CDH8: variants seen among roughly 807,000 people sequenced by gnomAD.
CDH8 encodes cadherin-8.
Under a neutral mutation model 68.1 loss-of-function variants are expected in CDH8, and 17 were observed. The observed-to-expected ratio is 0.25, with a 90% CI of 0.17 to 0.37. The LOEUF (loss-of-function observed/expected upper bound fraction) is 0.37. Among genes scored for constraint, CDH8 ranks in the 10% least tolerant of loss-of-function variants. The pLI is 1.00. For missense variants in CDH8, 763 were observed against 999.3 expected, an observed-to-expected ratio of 0.76 and a Z score of 3.19; for synonymous variants, 372 against 365.1, an observed-to-expected ratio of 1.02 and a Z score of -0.21.
chr16:61,809,297 A>T (rs1423587438), intron 7 of CDH8, among the ~76,000 whole-genome samples: 1 of 152,134 alleles, frequency 6.6e-6, no homozygotes, highest in Non-Finnish European at 1.5e-5. Flanking sequence ...TACTAACGTC[A>T]TGGGGTTTTG....
At chr16:61,855,902 A>G (rs1170248814) in intron 4 of CDH8, among the ~76,000 whole-genome samples, 1 of 152,152 alleles carries the variant, frequency 6.6e-6, no homozygotes, top group Non-Finnish European at 1.5e-5. Flanking sequence ...GAAAAAGTTT[A>G]GAACAGACTT....
chr16:61,735,188 ATCT>A (rs1454293314), intron 8 of CDH8, among the ~76,000 whole-genome samples: 1 of 152,026 alleles, frequency 6.6e-6, no homozygotes, highest in Non-Finnish European at 1.5e-5. Context: ...ACTTAATTAC[ATCT>A]ACATAGACCG....
chr16:61,798,089 G>A (rs1197219944), intron 7 of CDH8, among the ~76,000 whole-genome samples: 1 of 152,124 alleles, frequency 6.6e-6, no homozygotes, highest in East Asian at 1.9e-4. Flanking sequence ...ATTCTTCAAT[G>A]TTTACATAAT....
At chr16:61,812,119 T>C in intron 7 of CDH8, among the ~76,000 whole-genome samples, 1 of 151,834 alleles carries the variant, frequency 6.6e-6, no homozygotes, top group East Asian at 1.9e-4. Context: ...AAATTGAGAG[T>C]TATTGCAAGA....
At chr16:61,858,012 A>T (rs1041743627) in intron 3 of CDH8, among the ~76,000 whole-genome samples, 4 of 152,062 alleles carry the variant, frequency 2.6e-5, no homozygotes, top group Admixed American at 6.6e-5. Context: ...GCCATTAAAA[A>T]AAATAACTTC....
At chr16:61,675,804 CTG>C (rs1963896101) in intron 10 of CDH8, among the ~76,000 whole-genome samples, 1 of 150,776 alleles carries the variant, frequency 6.6e-6, no homozygotes, top group Admixed American at 6.6e-5. Context: ...TATTACATTG[CTG>C]TGTGAAGTAG....
At chr16:61,889,016 T>C (rs1963727184) in intron 3 of CDH8, among the ~76,000 whole-genome samples, 1 of 152,164 alleles carries the variant, frequency 6.6e-6, no homozygotes, top group Non-Finnish European at 1.5e-5. Flanking sequence ...AGCACAAATA[T>C]GATTAGAATT....
At chr16:61,781,117 C>T (rs1273933352) in intron 8 of CDH8, among the ~76,000 whole-genome samples, 1 of 152,222 alleles carries the variant, frequency 6.6e-6, no homozygotes, top group Admixed American at 6.5e-5. Context: ...CTGCAGCTAA[C>T]AGCTCAATGC....
In CDH8 at chr16:61,800,070, G is replaced by A. The variant is rs140147483; in HGVS notation, c.1278-10588C>T. 2.8e-4 allele frequency among the ~76,000 whole-genome samples: 43 copies of A among 152,082 alleles called. 1 individual carries two copies. The highest frequency in any genetic ancestry group is 5.9e-4 in the Admixed American group (9 of 15,266). On this transcript the variant is annotated intron_variant, in intron 7 of 11. Coordinates refer to ENST00000577390, the MANE Select transcript of CDH8 (RefSeq NM_001796.5). ...ATTACGGGTATGCACCACCACGCCCGGCTATTTCTTTGTATGTTTTATAGA... is the reference window on the plus strand; with the variant it reads ...ATTACGGGTATGCACCACCACGCCCAGCTATTTCTTTGTATGTTTTATAGA...
At chr16:62,026,824 C>T (rs1902208731) in intron 1 of CDH8, among the ~76,000 whole-genome samples, 1 of 152,232 alleles carries the variant, frequency 6.6e-6, no homozygotes, top group Admixed American at 6.5e-5. Flanking sequence ...GCTTGTACCT[C>T]TGCCATGGGC....
chr16:61,690,853 T>C (rs954011234), intron 10 of CDH8, among the ~76,000 whole-genome samples: 8 of 152,034 alleles, frequency 5.3e-5, no homozygotes, highest in Non-Finnish European at 1.2e-4. Context: ...TCAAGGCTGA[T>C]TGCAGTCTAC....
intron 8 of CDH8, among the ~76,000 whole-genome samples, chr16:61,744,650 CTAAT>C (rs143836865): frequency 0.011 from 1,593 of 151,424 alleles, 32 homozygotes; most frequent in African/African-American, 0.036. Context: ...TGTTTTTTAA[CTAAT>C]TAGTTTTAAT....
intron 8 of CDH8, among the ~76,000 whole-genome samples, chr16:61,774,215 C>T (rs1960850461): frequency 6.6e-6 from 1 of 151,916 alleles, no homozygotes; most frequent in Admixed American, 6.6e-5. Context: ...TCAAGGCTTA[C>T]CTCCAGGCTC....
At chr16:61,801,866 C>A (rs886451669) in intron 7 of CDH8, among the ~76,000 whole-genome samples, 5 of 152,064 alleles carry the variant, frequency 3.3e-5, no homozygotes, top group African/African-American at 1.2e-4. Context: ...GATCAAACTG[C>A]AAGGCGGCAG....
At chr16:61,757,222 C>A (rs546819165) in intron 8 of CDH8, among the ~76,000 whole-genome samples, 1 of 151,974 alleles carries the variant, frequency 6.6e-6, no homozygotes, top group Non-Finnish European at 1.5e-5. Context: ...AAGCCTTAAA[C>A]CAAGGACTAG....
At chr16:61,821,255 T>G in intron 5 of CDH8, 142 bp from the exon 6 acceptor site, 1 of 567,778 alleles carries the variant, frequency 1.8e-6, no homozygotes. Flanking sequence ...GACAGAAATA[T>G]CCGTTTCCCT....
chr16:61,970,837 G>A (rs1055647188), intron 2 of CDH8, among the ~76,000 whole-genome samples: 27 of 152,198 alleles, frequency 1.8e-4, no homozygotes, highest in African/African-American at 9.7e-5. Flanking sequence ...TGACTTGCAC[G>A]TATACATCCA....
chr16:61,836,949 C>A (rs751778226), intron 4 of CDH8, among the ~76,000 whole-genome samples: 76 of 151,932 alleles, frequency 5.0e-4, no homozygotes, highest in Non-Finnish European at 9.6e-4. Flanking sequence ...CACAACTAAC[C>A]CTGGATAATC....
At chr16:61,981,849 G>A (rs2150583059) in intron 2 of CDH8, among the ~76,000 whole-genome samples, 1 of 152,236 alleles carries the variant, frequency 6.6e-6, no homozygotes, top group East Asian at 1.9e-4. Context: ...TCTTGTCTGT[G>A]TTATTAAGGT....
Sources: gnomAD v4.1 joint callset for allele counts (sites outside exome capture counted in the v4.1 genomes callset) on GRCh38, gnomAD v4.1.1 for gene constraint, MANE v1.5 for transcripts, NCBI Gene and HGNC (gene_info 2026-07-23, HGNC 2026-07-21) for gene names.